The following GRIK4 variants were observed in gnomAD, a reference collection of about 807,000 sequenced individuals.
GRIK4 encodes glutamate receptor ionotropic, kainate 4.
Under a neutral mutation model 104.9 loss-of-function variants are expected in GRIK4, and 40 were observed. The ratio of observed to expected loss-of-function variants is 0.38; its 90% CI spans 0.30 to 0.50. The LOEUF (loss-of-function observed/expected upper bound fraction) is 0.50. Among genes scored for constraint, GRIK4 ranks in the 20% least tolerant of loss-of-function variants. The pLI is 0.93. For synonymous variants in GRIK4, 485 were observed against 524.9 expected (o/e 0.92, Z 1.04); for missense variants, 1,047 against 1,308.1 (o/e 0.80, Z 3.08).
intron 1 of GRIK4, among the ~76,000 whole-genome samples, chr11:120,571,420 A>C (rs1328187298): frequency 6.6e-6 from 1 of 152,146 alleles, no homozygotes; most frequent in Non-Finnish European, 1.5e-5. Context: ...TCTGTAGCTT[A>C]CATGTTCCTT....
chr11:120,535,136 G>A (rs1364412920), intron 1 of GRIK4, among the ~76,000 whole-genome samples: 2 of 152,128 alleles, frequency 1.3e-5, no homozygotes, highest in African/African-American at 2.4e-5. Flanking sequence ...CACTAAATGC[G>A]GAGCTGGGAA....
chr11:120,586,760 A>C (rs562780836), intron 1 of GRIK4, among the ~76,000 whole-genome samples: 1 of 152,162 alleles, frequency 6.6e-6, no homozygotes, highest in African/African-American at 2.4e-5. Context: ...GTTTGTCCCT[A>C]GGGATCCCTG....
chr11:120,708,922 A>T (rs1950676261), intron 3 of GRIK4, among the ~76,000 whole-genome samples: 1 of 151,276 alleles, frequency 6.6e-6, no homozygotes, highest in Non-Finnish European at 1.5e-5. Flanking sequence ...GCTGCTTTCG[A>T]TGGGCCAGAG....
chr11:120,530,304 G>GATAT (rs1194581711), intron 1 of GRIK4, among the ~76,000 whole-genome samples: 20 of 152,186 alleles, frequency 1.3e-4, no homozygotes, highest in African/African-American at 4.6e-4. Context: ...GTGGGGAGAG[G>GATAT]CTCCAGGGGA....
chr11:120,671,521 G>A (rs1027557708), intron 3 of GRIK4, among the ~76,000 whole-genome samples: 2 of 152,170 alleles, frequency 1.3e-5, no homozygotes, highest in African/African-American at 2.4e-5. Context: ...CCGCGTAAAT[G>A]TCTTCTTTTG....
chr11:120,779,587 G>A (rs773188122), intron 3 of GRIK4, among the ~76,000 whole-genome samples: 1 of 152,206 alleles, frequency 6.6e-6, no homozygotes, highest in Non-Finnish European at 1.5e-5. Context: ...TGGATTCAAA[G>A]TCGTGGTGAA....
chr11:120,868,409 G>A (rs1412974670), intron 9 of GRIK4: 1 of 151,998 alleles, frequency 6.6e-6, no homozygotes. Flanking sequence ...ATTTAGAAGA[G>A]ACAGGGACAG....
At chr11:120,766,272 C>G (rs1951838032) in intron 3 of GRIK4, among the ~76,000 whole-genome samples, 1 of 152,192 alleles carries the variant, frequency 6.6e-6, no homozygotes, top group African/African-American at 2.4e-5. Flanking sequence ...ACCTCCCACT[C>G]AAACCTCAGT....
intron 3 of GRIK4, among the ~76,000 whole-genome samples, chr11:120,792,114 G>A (rs571139637): frequency 2.0e-5 from 3 of 152,308 alleles, no homozygotes; most frequent in East Asian, 3.9e-4. Flanking sequence ...CACTTGCTCA[G>A]CCTCTGCGTT....
intron 8 of GRIK4, among the ~76,000 whole-genome samples, chr11:120,850,513 T>C (rs1591988993): frequency 2.0e-5 from 3 of 152,304 alleles, no homozygotes; most frequent in South Asian, 4.1e-4. Flanking sequence ...CATCCCTTGA[T>C]CATGCAAATG....
chr11:120,973,186 T>C (rs1186716322), intron 19 of GRIK4, among the ~76,000 whole-genome samples: 1 of 152,184 alleles, frequency 6.6e-6, no homozygotes. Context: ...AAGTTATAAT[T>C]GTTGCAGTTG....
intron 1 of GRIK4, among the ~76,000 whole-genome samples, chr11:120,557,058 A>C (rs1390139298): frequency 6.6e-6 from 1 of 152,012 alleles, no homozygotes; most frequent in Non-Finnish European, 1.5e-5. Context: ...TCCTGCTGCA[A>C]ACCTGGCCTG....
intron 1 of GRIK4, among the ~76,000 whole-genome samples, chr11:120,536,405 T>C (rs926231330): frequency 4.6e-5 from 7 of 152,210 alleles, no homozygotes; most frequent in Admixed American, 2.0e-4. Flanking sequence ...CAATGCCTGA[T>C]GGTGTCTGTA....
chr11:120,879,192 C>G lies in GRIK4; in HGVS notation c.1164+3949C>G, dbSNP rs893070704. ...GCAAAGCCCGTGCTCTCGGATCCCC[C>G]ACTCCTGGCTATTCCTCACTTTCCT... On this transcript the variant is annotated intron_variant, in intron 11 of 20. Transcript: ENST00000527524. Among the ~76,000 whole-genome samples the G allele has an allele frequency of 1.1e-4, 17 of 152,340 alleles. 1 individual carries two copies. The South Asian group carries it at 1.7e-3, about 15-fold the overall frequency.
chr11:120,521,984 A>G (rs1484993272), intron 1 of GRIK4, among the ~76,000 whole-genome samples: 2 of 152,206 alleles, frequency 1.3e-5, no homozygotes. Flanking sequence ...CTTTGTATGT[A>G]TTAAGTTGAT....
chr11:120,795,039 C>CTA (rs1190679026), intron 3 of GRIK4, among the ~76,000 whole-genome samples: 1 of 152,020 alleles, frequency 6.6e-6, no homozygotes, highest in Non-Finnish European at 1.5e-5. Context: ...GGGAGCAGAG[C>CTA]TAACGCACTC....
At chr11:120,559,269 G>T (rs748500745) in intron 1 of GRIK4, among the ~76,000 whole-genome samples, 1 of 152,134 alleles carries the variant, frequency 6.6e-6, no homozygotes, top group Non-Finnish European at 1.5e-5. Context: ...AGACTCCCTC[G>T]CTTCGGCTAA....
chr11:120,619,154 A>G (rs182696097), intron 1 of GRIK4, among the ~76,000 whole-genome samples: 1 of 152,164 alleles, frequency 6.6e-6, no homozygotes, highest in Non-Finnish European at 1.5e-5. Flanking sequence ...TTGCACTAGT[A>G]TGCCCTGGAT....
intron 3 of GRIK4, among the ~76,000 whole-genome samples, chr11:120,795,190 A>C (rs1392034898): frequency 1.3e-5 from 2 of 152,240 alleles, no homozygotes; most frequent in Non-Finnish European, 2.9e-5. Flanking sequence ...AAAGGGTAAG[A>C]GTTACCGAAG....
Sources: gnomAD v4.1 joint callset for allele counts (sites outside exome capture counted in the v4.1 genomes callset) on GRCh38, gnomAD v4.1.1 for gene constraint, MANE v1.5 for transcripts, NCBI Gene and HGNC (gene_info 2026-07-23, HGNC 2026-07-21) for gene names.